The following SPINK6 variants were observed in gnomAD, a reference collection of about 807,000 sequenced individuals.
The protein encoded by SPINK6 is serine peptidase inhibitor Kazal type 6, also known as serine protease inhibitor Kazal-type 6.
Under a neutral mutation model 11.7 loss-of-function variants are expected in SPINK6, and 13 were observed. That is an observed-to-expected ratio of 1.11 (90% CI 0.72 to 1.76). SPINK6 has a LOEUF of 1.76. SPINK6 is among the 40% of genes most tolerant of loss of function. The pLI is 0.00. For synonymous variants in SPINK6, 21 were observed against 31.9 expected, an observed-to-expected ratio of 0.66 and a Z score of 1.15; for missense variants, 98 against 93.7, an observed-to-expected ratio of 1.05 and a Z score of -0.19.
rs1266748884 is a variant in SPINK6, at chr5:148,215,057, A to C, written c.*107A>C. The C allele has an allele frequency of 8.4e-6, 9 of 1,069,362 alleles. No homozygotes were observed. In the East Asian group the frequency reaches 1.2e-4, roughly 14 times the overall value. The allele number at this position is 1,069,362 out of a possible 1,614,324, so 66.2% of individuals were successfully genotyped here. ...TCCTTTAATTCATAAAGACATACCT[A>C]CTCTGCCTGGGTCTTGAGGAGTTCA... On this transcript the variant is annotated 3_prime_UTR_variant, in exon 4 of 4. Coordinates refer to ENST00000325630, the MANE Select transcript of SPINK6 (RefSeq NM_205841.4).
At chr5:148,204,746 G>GT (rs1755475792) in intron 1 of SPINK6, among the ~76,000 whole-genome samples, 1 of 152,030 alleles carries the variant, frequency 6.6e-6, no homozygotes, top group Non-Finnish European at 1.5e-5. Flanking sequence ...CCATAATAAA[G>GT]TTTAATAAAA....
chr5:148,209,832 T>C (rs1755546334), intron 2 of SPINK6, among the ~76,000 whole-genome samples: 1 of 151,262 alleles, frequency 6.6e-6, no homozygotes, highest in Non-Finnish European at 1.5e-5. Context: ...GCTGCTATCA[T>C]GAAAAATGGA....
At chr5:148,212,599 ATAT>A (rs1755620362) in intron 2 of SPINK6, among the ~76,000 whole-genome samples, 1 of 103,740 alleles carries the variant, frequency 9.6e-6, no homozygotes, top group Non-Finnish European at 1.8e-5. Flanking sequence ...ATTTTATATA[ATAT>A]ATAATATATA....
intron 2 of SPINK6, among the ~76,000 whole-genome samples, chr5:148,210,168 GTATTTCTGCATGCA>G (rs1257425890): frequency 5.2e-4 from 13 of 24,870 alleles, no homozygotes; most frequent in Non-Finnish European, 4.6e-3. Flanking sequence ...GCATGCATAT[GTATTTCTGCATGCA>G]TATGTATTTC....
rs970331603 is a variant in SPINK6 at position 148,207,701 on chromosome 5, T to G, written c.81+1643T>G. Among the ~76,000 whole-genome samples, 14 of 152,000 alleles carry G rather than the reference T, an allele frequency of 9.2e-5. No homozygotes were observed. In the East Asian group the frequency reaches 2.7e-3, roughly 30 times the overall value. ...TAAAAATTAGCCAGGCGTGGTGGAG[T>G]ACCTGCAGTCCCAGCTACTTGGGAG... is the stretch of plus-strand genomic sequence containing the variant. On this transcript the variant is annotated intron_variant, in intron 2 of 3. Coordinates refer to ENST00000325630, the MANE Select transcript of SPINK6 (RefSeq NM_205841.4).
In SPINK6 at chr5:148,210,007, C is replaced by CATACACGCGTACGTATGT. The variant is rs1554112271; in HGVS notation, c.82-3901_82-3900insACACGCGTACGTATGTAT. On this transcript the variant is annotated intron_variant, in intron 2 of 3. Coordinates refer to ENST00000325630, the MANE Select transcript of SPINK6 (RefSeq NM_205841.4). ...ATGTATACATATACACGTATGTATA[C>CATACACGCGTACGTATGT]ATGTATGTACGCATGTACGCATGCA... Among the ~76,000 whole-genome samples the CATACACGCGTACGTATGT allele has an allele frequency of 7.8e-4, 83 of 105,736 alleles. 20 individuals carry two copies. In the South Asian group the frequency reaches 0.018, roughly 23 times the overall value. 69.4% of individuals were successfully genotyped at this position (105,736 alleles called of 152,430 possible).
At chr5:148,205,389 A>C (rs188708789) in intron 1 of SPINK6, among the ~76,000 whole-genome samples, 34 of 152,336 alleles carry the variant, frequency 2.2e-4, no homozygotes, top group Admixed American at 3.9e-4. Flanking sequence ...CTAAAATTAC[A>C]CATACAATAT....
chr5:148,203,290 G>A (rs780921095), intron 1 of SPINK6, 136 bp downstream of exon 1: 25 of 645,910 alleles, frequency 3.9e-5, no homozygotes, highest in Non-Finnish European at 6.1e-5. Context: ...TGATGATAAT[G>A]ATTGTGATGA....
chr5:148,214,048 C>A, intron 3 of SPINK6, 23 bp downstream of exon 3: 1 of 1,445,254 alleles, frequency 6.9e-7, no homozygotes, highest in Non-Finnish European at 9.7e-7. Context: ...TTCATCAAAG[C>A]TGACCCTTGC....
At chr5:148,205,483 G>A (rs1460526044) in intron 1 of SPINK6, among the ~76,000 whole-genome samples, 2 of 152,152 alleles carry the variant, frequency 1.3e-5, no homozygotes, top group African/African-American at 2.4e-5. Context: ...TGTAAAAGGA[G>A]AAATAAGTCA....
chr5:148,210,179 TGCATATGTATTTCTGC>T (rs1755568276), intron 2 of SPINK6, among the ~76,000 whole-genome samples: 1 of 25,790 alleles, frequency 3.9e-5, no homozygotes, highest in African/African-American at 5.2e-5. Flanking sequence ...TATTTCTGCA[TGCATATGTATTTCTGC>T]ATGCATATGT....
intron 1 of SPINK6, among the ~76,000 whole-genome samples, chr5:148,204,420 A>C (rs926619962): frequency 6.6e-6 from 1 of 150,842 alleles, no homozygotes; most frequent in Non-Finnish European, 1.5e-5. Context: ...TACAAAGGTG[A>C]ATTGATCTTT....
At chr5:148,206,385 A>T (rs190325566) in intron 2 of SPINK6, among the ~76,000 whole-genome samples, 2 of 151,954 alleles carry the variant, frequency 1.3e-5, no homozygotes, top group East Asian at 2.0e-4. Flanking sequence ...TTCCACAACT[A>T]TAGAAAAGGG....
chr5:148,211,642 A>T (rs1381157002), intron 2 of SPINK6, among the ~76,000 whole-genome samples: 1 of 152,186 alleles, frequency 6.6e-6, no homozygotes, highest in African/African-American at 2.4e-5. Flanking sequence ...GATAACACAG[A>T]CAGTCAATGG....
chr5:148,212,544 ATATT>A (rs1755615150), intron 2 of SPINK6, among the ~76,000 whole-genome samples: 1 of 116,712 alleles, frequency 8.6e-6, no homozygotes, highest in African/African-American at 3.5e-5. Flanking sequence ...ATATAAGTAT[ATATT>A]TATATATTTA....
At chr5:148,209,991 T>TACACATGTACGTATGTATGTATAC (rs1398978551) in intron 2 of SPINK6, among the ~76,000 whole-genome samples, 7 of 145,404 alleles carry the variant, frequency 4.8e-5, no homozygotes, top group Admixed American at 1.4e-4. Context: ...TATGTATACA[T>TACACATGTACGTATGTATGTATAC]ATACACGTAT....
chr5:148,208,707 C>A (rs1581141242), intron 2 of SPINK6, among the ~76,000 whole-genome samples: 1 of 152,202 alleles, frequency 6.6e-6, no homozygotes, highest in East Asian at 1.9e-4. Context: ...GATTAAATGG[C>A]ACAATAATAA....
chr5:148,214,862 T>TAAC, intron 3 of SPINK6, 43 bp from the exon 4 acceptor site: 1 of 1,518,092 alleles, frequency 6.6e-7, no homozygotes, highest in Non-Finnish European at 9.1e-7. Flanking sequence ...GGTGAGTACT[T>TAAC]ACGATATTGC....
At chr5:148,213,356 C>A (rs1755639258) in intron 2 of SPINK6, among the ~76,000 whole-genome samples, 1 of 151,954 alleles carries the variant, frequency 6.6e-6, no homozygotes, top group Non-Finnish European at 1.5e-5. Flanking sequence ...GCCACCACAC[C>A]CGGCTAATTT....
Sources: gnomAD v4.1 joint callset for allele counts (sites outside exome capture counted in the v4.1 genomes callset) on GRCh38, gnomAD v4.1.1 for gene constraint, MANE v1.5 for transcripts, NCBI Gene and HGNC (gene_info 2026-07-23, HGNC 2026-07-21) for gene names.